The following ABCC4 variants were observed in gnomAD, a reference collection of about 807,000 sequenced individuals.
ABCC4 encodes ATP-binding cassette sub-family C member 4.
ABCC4 carries 102 observed loss-of-function variants against 168.5 expected under a neutral mutation model. That is an observed-to-expected ratio of 0.61 (90% CI 0.52 to 0.71). ABCC4 has a LOEUF of 0.71. ABCC4 is among the 30% of genes least tolerant of loss of function. The pLI, the probability that ABCC4 is intolerant of heterozygous loss-of-function variation, is 0.00. For synonymous variants in ABCC4, 617 were observed against 590.7 expected, an observed-to-expected ratio of 1.04 and a Z score of -0.65; for missense variants, 1,402 against 1,605.8, an observed-to-expected ratio of 0.87 and a Z score of 2.17.
At chr13:95,280,844 G>C (rs928777991) in intron 1 of ABCC4, among the ~76,000 whole-genome samples, 2 of 152,058 alleles carry the variant, frequency 1.3e-5, no homozygotes, top group African/African-American at 4.8e-5. Context: ...AAATCCACTC[G>C]AGAGAGACAG....
Position 95,263,627 on chromosome 13 carries a change from A to G in ABCC4, c.75-15874T>C, listed in dbSNP as rs552878922. On this transcript the variant is annotated intron_variant, in intron 1 of 30. Coordinates refer to ENST00000645237, the MANE Select transcript of ABCC4 (RefSeq NM_005845.5). ...CACCTGAGGTCAGGAGTTCAAGACC[A>G]GCCTGGCCAACATGGTGAAACCCCG... 2.0e-5 allele frequency among the ~76,000 whole-genome samples: 3 copies of G among 152,284 alleles called. No individual in the cohort carries two copies. The South Asian group carries it at 6.2e-4, about 32-fold the overall frequency.
chr13:95,053,892 G>A (rs146281773), intron 26 of ABCC4: 2,969 of 149,206 alleles, frequency 0.02, 89 homozygotes, highest in African/African-American at 0.067. Flanking sequence ...CAAGAGAATC[G>A]CTTGAATCCA....
chr13:95,161,332 A>T lies in ABCC4; in HGVS notation c.2312T>A (p.Leu771Ter). Residue 771 changes from leucine to a stop codon, truncating the protein, a stop_gained, in exon 19 of 31, where the codon TTA (leucine) becomes TAA (stop). Transcript: ENST00000645237. LOFTEE classifies it high-confidence loss of function. The stretch of plus-strand genomic sequence containing the variant: ...GCCAAAAAGAACGGTAGCTACAGTT[A>T]AACCTGAAATAAAGAAATATCACTT... The part of the protein sequence containing the change: ...LNWYLGIYSG[L>*]TVATVLFGIA... 1.9e-6 allele frequency: 3 copies of T among 1,576,136 alleles called. No individual in the cohort carries two copies. The highest frequency in any genetic ancestry group is 2.6e-6 in the Non-Finnish European group (3 of 1,166,504).
intron 1 of ABCC4, among the ~76,000 whole-genome samples, chr13:95,257,078 C>CA (rs1315384987): frequency 1.3e-5 from 2 of 152,198 alleles, no homozygotes; most frequent in East Asian, 3.9e-4. Flanking sequence ...TTTGACTCCC[C>CA]AAAACCTTAA....
intron 29 of ABCC4, among the ~76,000 whole-genome samples, chr13:95,040,000 C>G (rs903463023): frequency 5.3e-5 from 8 of 152,128 alleles, no homozygotes; most frequent in Non-Finnish European, 1.0e-4. Context: ...AAGGGGTGTA[C>G]GGAGAGTCAT....
At chr13:95,025,131 G>A (rs904984996) in intron 30 of ABCC4, among the ~76,000 whole-genome samples, 1 of 150,222 alleles carries the variant, frequency 6.7e-6, no homozygotes, top group Admixed American at 6.7e-5. Flanking sequence ...AAGCTAAGGA[G>A]GAAGAAAGGC....
chr13:95,283,085 A>G (rs1474455461), intron 1 of ABCC4, among the ~76,000 whole-genome samples: 1 of 151,528 alleles, frequency 6.6e-6, no homozygotes, highest in Non-Finnish European at 1.5e-5. Context: ...GCGCGGTGGC[A>G]CGCACCTGTA....
intron 4 of ABCC4, among the ~76,000 whole-genome samples, chr13:95,229,639 CTA>C (rs1168490013): frequency 6.6e-6 from 1 of 152,340 alleles, no homozygotes; most frequent in Non-Finnish European, 1.5e-5. Context: ...GGAAAAGTCT[CTA>C]TGCCTAATGT....
chr13:95,071,555 T>C, intron 25 of ABCC4, 107 bp downstream of exon 25: 2 of 972,936 alleles, frequency 2.1e-6, no homozygotes, highest in Non-Finnish European at 2.8e-6. Flanking sequence ...CAAGACAGGT[T>C]AACCTACGTA....
chr13:95,218,985 GAGT>G lies in ABCC4; in HGVS notation c.532-8207_532-8205del, dbSNP rs1566539957. ...AGAAAGAAAGAAAGAAAGAAAGAAA[GAGT>G]GAGAAAGAAAGAAAGAGTGAGAAAG... On this transcript the variant is annotated intron_variant, in intron 4 of 30. Transcript: ENST00000645237. Among the ~76,000 whole-genome samples the G allele has an allele frequency of 1.3e-4, 3 of 23,448 alleles. 1 individual carries two copies. The highest frequency in any genetic ancestry group is 3.7e-4 in the Non-Finnish European group (3 of 8,092). The allele number at this position is 23,448 out of a possible 152,430, so 15.4% of individuals were successfully genotyped here. A position where few individuals can be genotyped will look rare whatever the true frequency, so the allele number is the denominator to read the frequency against.
intron 30 of ABCC4, among the ~76,000 whole-genome samples, chr13:95,026,609 C>G (rs563858015): frequency 6.6e-6 from 1 of 152,272 alleles, no homozygotes; most frequent in African/African-American, 2.4e-5. Flanking sequence ...AAAGATCTGG[C>G]TGGGCATAGT....
At chr13:95,224,860 G>A (rs1001400211) in intron 4 of ABCC4, among the ~76,000 whole-genome samples, 3 of 152,134 alleles carry the variant, frequency 2.0e-5, no homozygotes, top group Non-Finnish European at 4.4e-5. Flanking sequence ...AATTCAGTGG[G>A]TAATTTAAAA....
At chr13:95,170,850 G>C (rs561607419) in intron 13 of ABCC4, among the ~76,000 whole-genome samples, 1 of 152,088 alleles carries the variant, frequency 6.6e-6, no homozygotes, top group Non-Finnish European at 1.5e-5. Flanking sequence ...AAAGTTTTCT[G>C]GGAAGGAGGC....
Position 95,084,255 on chromosome 13 carries a change from G to T in ABCC4, c.2536-965C>A, listed in dbSNP as rs1253100437. Among the ~76,000 whole-genome samples the T allele has an allele frequency of 2.0e-5, 3 of 152,064 alleles. No individual in the cohort carries two copies. The East Asian group carries it at 5.8e-4, about 29-fold the overall frequency. On this transcript the variant is annotated intron_variant, in intron 20 of 30. Coordinates refer to ENST00000645237, the MANE Select transcript of ABCC4 (RefSeq NM_005845.5). ...TACAGATGGAGACACTGAGGCACAG[G>T]GAGAAAAAAGTAACTTGATCAAGAA... is the stretch of plus-strand genomic sequence containing the variant.
intron 29 of ABCC4, among the ~76,000 whole-genome samples, chr13:95,036,666 T>G (rs2032133840): frequency 6.6e-6 from 1 of 152,194 alleles, no homozygotes; most frequent in South Asian, 2.1e-4. Context: ...TTTTTGAGTT[T>G]AGGGGTGATA....
At chr13:95,056,634 G>C (rs2033065270) in intron 26 of ABCC4, among the ~76,000 whole-genome samples, 1 of 135,584 alleles carries the variant, frequency 7.4e-6, no homozygotes, top group South Asian at 2.3e-4. Flanking sequence ...TTTGAATTTT[G>C]TTCTCAAAAA....
chr13:95,210,425 G>A (rs1257995218), intron 5 of ABCC4, among the ~76,000 whole-genome samples: 2 of 152,152 alleles, frequency 1.3e-5, no homozygotes, highest in Non-Finnish European at 2.9e-5. Flanking sequence ...TTGTTATGAT[G>A]TTTCCACAAT....
At chr13:95,217,103 G>A (rs2039136148) in intron 4 of ABCC4, among the ~76,000 whole-genome samples, 1 of 152,196 alleles carries the variant, frequency 6.6e-6, no homozygotes, top group Non-Finnish European at 1.5e-5. Flanking sequence ...TTTGATAGCT[G>A]CTTACTACTG....
At chr13:95,104,303 G>A (rs1467930355) in intron 20 of ABCC4, among the ~76,000 whole-genome samples, 2 of 152,112 alleles carry the variant, frequency 1.3e-5, no homozygotes, top group Non-Finnish European at 2.9e-5. Context: ...TAGTAAAGAT[G>A]GGGCTTCGCC....
Sources: allele counts gnomAD v4.1 joint callset (sites outside exome capture counted in the v4.1 genomes callset), GRCh38; gene constraint gnomAD v4.1.1; transcripts MANE v1.5; gene names NCBI Gene and HGNC (gene_info 2026-07-23, HGNC 2026-07-21).